The following ANK2 variants were observed in gnomAD, a reference collection of about 807,000 sequenced individuals.
ANK2 encodes the protein ankyrin 2, also known as ankyrin-2.
Under a neutral mutation model 360.5 loss-of-function variants are expected in ANK2, and 83 were observed. The ratio of observed to expected loss-of-function variants is 0.23; its 90% confidence interval spans 0.19 to 0.28. ANK2 has a LOEUF of 0.28. Among genes scored for constraint, ANK2 ranks in the 10% least tolerant of loss-of-function variants. The pLI is 1.00. For missense variants in ANK2, 4,201 were observed against 4,795.7 expected, an observed-to-expected ratio of 0.88 and a Z score of 3.66; for synonymous variants, 1,740 against 1,759.5, an observed-to-expected ratio of 0.99 and a Z score of 0.28.
Position 113,249,902 on chromosome 4 carries a change from TA to T in ANK2, c.990+42del, listed in dbSNP as rs746814223. On this transcript the variant is annotated intron_variant, in intron 10 of 45. Coordinates refer to ENST00000357077, the MANE Select transcript of ANK2 (RefSeq NM_001148.6). ...GTAAGATGGGGTCCTAAGAAATCTT[TA>T]AGTTACTTGATGTATTATCTCTATT... 4 of 1,546,656 alleles carry T rather than the reference TA, an allele frequency of 2.6e-6. No homozygotes were observed. In the African/African-American group the frequency reaches 5.4e-5, roughly 21 times the overall value.
rs567848811 is a variant in ANK2, at chr4:113,277,919, C to G, written c.1766C>G (p.Ala589Gly). 13 of 1,613,654 alleles carry G rather than the reference C, an allele frequency of 8.1e-6. No homozygotes were observed. The South Asian group carries it at 1.4e-4, about 18-fold the overall frequency. Reference sequence around the variant, plus strand: ...CTTCTCTTGCAACGCCGTGCTGCCGCAGATTCTGCAGGGAAGGTAAAGATT... The same window carrying G: ...CTTCTCTTGCAACGCCGTGCTGCCGGAGATTCTGCAGGGAAGGTAAAGATT... ...AKLLLQRRAA[A>G]DSAGKNGLTP... Residue 589 changes from alanine (A) to glycine (G), a missense_variant, in exon 16 of 46, where the codon GCA becomes GGA. By Grantham distance (60) the Ala-to-Gly change is moderately conservative. Around this residue, in one of 4 missense-constraint regions of ANK2, gnomAD observed 1,268 missense variants for 1,650.8 expected, o/e 0.77. Transcript: ENST00000357077.
intron 1 of ANK2, among the ~76,000 whole-genome samples, chr4:113,163,329 G>A (rs189385425): frequency 6.6e-5 from 10 of 152,236 alleles, no homozygotes; most frequent in African/African-American, 2.4e-4. Flanking sequence ...TGCAAAAGAT[G>A]CTGAAAGCTG....
chr4:113,379,778 A>G (rs1346665473), intron 45 of ANK2, among the ~76,000 whole-genome samples: 2 of 152,232 alleles, frequency 1.3e-5, no homozygotes, highest in African/African-American at 4.8e-5. Flanking sequence ...AGGAAGAAGG[A>G]AACAAGGATG....
At chr4:112,892,359 A>T (rs2080300127) in intron 1 of ANK2, among the ~76,000 whole-genome samples, 1 of 152,236 alleles carries the variant, frequency 6.6e-6, no homozygotes, top group Non-Finnish European at 1.5e-5. Flanking sequence ...AAGCAGCCCC[A>T]GCTATTTCAT....
In ANK2 at chr4:113,333,037, C is replaced by T. The variant is rs2153941752; in HGVS notation, c.3225-17C>T. ...TTAGCTCCTGTCCACACTGAATGTT[C>T]TGCATTGCTATGTCAGGCCTGTGAT... On this transcript the variant is annotated splice_polypyrimidine_tract_variant and intron_variant, in intron 28 of 45. Coordinates refer to ENST00000357077, the MANE Select transcript of ANK2 (RefSeq NM_001148.6). The T allele has an allele frequency of 6.2e-7, 1 of 1,614,126 alleles. No homozygotes were observed. The highest frequency in any genetic ancestry group is 8.5e-7 in the Non-Finnish European group (1 of 1,179,998).
chr4:112,977,201 C>T (rs541627326), intron 2 of ANK2, among the ~76,000 whole-genome samples: 23 of 152,024 alleles, frequency 1.5e-4, no homozygotes, highest in African/African-American at 2.2e-4. Flanking sequence ...AAAAAAACAA[C>T]GAGTTGATGA....
At chr4:112,903,104 A>G (rs976445251) in intron 1 of ANK2, among the ~76,000 whole-genome samples, 8 of 152,214 alleles carry the variant, frequency 5.3e-5, no homozygotes, top group Non-Finnish European at 2.9e-5. Context: ...TCAAACTTCC[A>G]GCTGCACCAA....
chr4:113,249,708 G>T, intron 9 of ANK2, 56 bp from the exon 10 acceptor site: 1 of 1,541,798 alleles, frequency 6.5e-7, no homozygotes, highest in Non-Finnish European at 8.9e-7. Context: ...TGCAATAGAT[G>T]AAATATAGAT....
intron 10 of ANK2, among the ~76,000 whole-genome samples, chr4:113,251,046 T>TGTATAGAATGTGTA (rs1408757569): frequency 2.6e-4 from 40 of 152,310 alleles, no homozygotes; most frequent in African/African-American, 9.6e-4. Context: ...AGATCTGTCT[T>TGTATAGAATGTGTA]TAAAATGCAA....
intron 2 of ANK2, among the ~76,000 whole-genome samples, chr4:113,013,996 T>G (rs1417464918): frequency 5.9e-5 from 9 of 152,174 alleles, no homozygotes; most frequent in Admixed American, 2.0e-4. Flanking sequence ...TATGTGGAAT[T>G]TGATTCAATT....
intron 1 of ANK2, among the ~76,000 whole-genome samples, chr4:113,123,513 A>C (rs923220963): frequency 6.6e-6 from 1 of 152,156 alleles, no homozygotes; most frequent in Non-Finnish European, 1.5e-5. Context: ...TTATATACTA[A>C]AATAAAGTGT....
chr4:113,230,913 G>A (rs2099287134), intron 4 of ANK2, among the ~76,000 whole-genome samples: 1 of 152,066 alleles, frequency 6.6e-6, no homozygotes, highest in Admixed American at 6.6e-5. Flanking sequence ...CTGTATTTTA[G>A]TAAATAACTG....
At chr4:112,876,782 C>G (rs1320396661) in intron 1 of ANK2, among the ~76,000 whole-genome samples, 1 of 152,126 alleles carries the variant, frequency 6.6e-6, no homozygotes, top group Non-Finnish European at 1.5e-5. Context: ...ACACCCAATC[C>G]ATGTGTCAGG....
intron 17 of ANK2, among the ~76,000 whole-genome samples, chr4:113,280,986 T>C (rs183644483): frequency 1.6e-3 from 238 of 152,296 alleles, no homozygotes; most frequent in African/African-American, 5.3e-3. Context: ...ATACAGTATT[T>C]TGAAGCATCT....
the ANK2 span, among the ~76,000 whole-genome samples, chr4:112,810,151 ATATATATATTT>A: frequency 2.3e-4 from 6 of 26,280 alleles, no homozygotes; most frequent in Admixed American, 1.3e-3. Context: ...ATATATATAT[ATATATATATTT>A]TTTTTTTTTT....
At chr4:113,041,999 A>G (rs1279882212) in intron 2 of ANK2, among the ~76,000 whole-genome samples, 2 of 152,304 alleles carry the variant, frequency 1.3e-5, no homozygotes, top group South Asian at 2.1e-4. Context: ...GGGTTAAGGA[A>G]TACCCAGATA....
intron 4 of ANK2, among the ~76,000 whole-genome samples, chr4:113,206,636 G>A (rs1476122943): frequency 6.9e-6 from 1 of 144,044 alleles, no homozygotes; most frequent in Non-Finnish European, 1.5e-5. Context: ...AAATTTGCAG[G>A]GGCATCTGTG....
intron 1 of ANK2, among the ~76,000 whole-genome samples, chr4:112,867,043 T>A (rs1019587495): frequency 6.6e-6 from 1 of 152,106 alleles, no homozygotes; most frequent in African/African-American, 2.4e-5. Flanking sequence ...TCTTCTTGAA[T>A]ACACTTTAAA....
chr4:113,219,929 C>T (rs1381995314), intron 4 of ANK2, among the ~76,000 whole-genome samples: 1 of 152,018 alleles, frequency 6.6e-6, no homozygotes, highest in African/African-American at 2.4e-5. Context: ...AGATAAACAA[C>T]AAAAAGGGGG....
Sources: allele counts gnomAD v4.1 joint callset (sites outside exome capture counted in the v4.1 genomes callset), GRCh38; gene constraint gnomAD v4.1.1; regional missense constraint gnomAD v4.1.1; transcripts MANE v1.5; gene names NCBI Gene and HGNC (gene_info 2026-07-23, HGNC 2026-07-21).